Variants in ELP6 observed in about 807,000 individuals in gnomAD.
ELP6 encodes the protein elongator acetyltransferase complex subunit 6.
In ELP6, 23 loss-of-function variants were observed where a neutral mutation model predicts 28.1. That is an observed-to-expected ratio of 0.82 (90% CI 0.59 to 1.16). The LOEUF is 1.16. ELP6 is among the 50% of genes most tolerant of loss of function. The pLI is 0.00. For missense variants in ELP6, 313 were observed against 334.6 expected, an observed-to-expected ratio of 0.94 and a Z score of 0.50; for synonymous variants, 132 against 135.8, an observed-to-expected ratio of 0.97 and a Z score of 0.19.
At chr3:47,509,934 G>T (rs1000370582) in intron 3 of ELP6, 9 of 319,926 alleles carry the variant, frequency 2.8e-5, no homozygotes, top group South Asian at 6.2e-5. Flanking sequence ...GCTAATTTTT[G>T]TATTTTTAGT....
intron 1 of ELP6, 127 bp downstream of exon 1, chr3:47,513,407 GACT>G: frequency 1.4e-6 from 2 of 1,473,056 alleles, no homozygotes; most frequent in Non-Finnish European, 1.8e-6. Context: ...ATCCTCTGCG[GACT>G]ACAACTCCCA....
In ELP6 at chr3:47,498,364, A is replaced by T. The variant is rs1438895660; in HGVS notation, c.594T>A (p.Asn198Lys). The stretch of plus-strand genomic sequence containing the variant: ...TCAGATGGCTCTGATGACTGAGGCC[A>T]TTCAGCAGGATGTCATTCTCCTCAT... ...AEDEENDILL[N>K]GLSHQSHLIL... Residue 198 changes from asparagine (N) to lysine (K), a missense_variant, in exon 6 of 7, where the codon AAT becomes AAA. By Grantham distance (94) the Asn-to-Lys change is moderately conservative. Transcript: ENST00000296149. 8.7e-6 allele frequency: 14 copies of T among 1,613,654 alleles called. No individual in the cohort carries two copies. The highest frequency in any genetic ancestry group is 1.3e-5 in the African/African-American group (1 of 74,930).
chr3:47,505,414 T>C (rs1708801057), intron 3 of ELP6, among the ~76,000 whole-genome samples: 2 of 152,144 alleles, frequency 1.3e-5, no homozygotes, highest in Admixed American at 1.3e-4. Flanking sequence ...AATAACTTTT[T>C]TTGTTTTTGA....
intron 5 of ELP6, 123 bp from the exon 6 acceptor site, chr3:47,498,555 C>A: frequency 1.3e-6 from 2 of 1,524,774 alleles, no homozygotes; most frequent in Non-Finnish European, 1.8e-6. Context: ...CTCCCTGCTG[C>A]TGCTACAGCC....
rs918396581 is a variant in ELP6, at chr3:47,513,512, C to T, written c.54+25G>A. 3.7e-6 allele frequency: 6 copies of T among 1,609,344 alleles called. No individual in the cohort carries two copies. In the Admixed American group the frequency reaches 5.1e-5, roughly 14 times the overall value. On this transcript the variant is annotated intron_variant, in intron 1 of 6. Transcript: ENST00000296149. ...TCCGCTGCCCTGCCAGGTCCCGCCC[C>T]CTTCCGGCCAGCGGGACCTCTTACC...
intron 1 of ELP6, chr3:47,511,688 G>T: frequency 1.6e-6 from 1 of 635,188 alleles, no homozygotes; most frequent in Non-Finnish European, 2.0e-6. Flanking sequence ...GAGGGAGAAG[G>T]GAGGAAGAAG....
intron 4 of ELP6, among the ~76,000 whole-genome samples, chr3:47,503,629 G>A (rs184819717): frequency 4.6e-5 from 7 of 152,178 alleles, no homozygotes; most frequent in Non-Finnish European, 7.4e-5. Context: ...TTGGCCGGGC[G>A]CGGTGGCTCA....
At chr3:47,504,493 C>T (rs1256388015) in intron 3 of ELP6, 45 bp from the exon 4 acceptor site, 8 of 1,547,662 alleles carry the variant, frequency 5.2e-6, no homozygotes, top group Non-Finnish European at 6.1e-6. Flanking sequence ...TGTAGGGGAA[C>T]CCATCAGACT....
At chr3:47,508,492 C>A (rs1708913224) in intron 3 of ELP6, among the ~76,000 whole-genome samples, 1 of 152,162 alleles carries the variant, frequency 6.6e-6, no homozygotes, top group Admixed American at 6.6e-5. Context: ...AAGCCACCAC[C>A]CCTGGCAGCC....
intron 5 of ELP6, chr3:47,499,961 G>T: frequency 7.4e-7 from 1 of 1,350,538 alleles, no homozygotes; most frequent in South Asian, 1.1e-5. Flanking sequence ...GGTGGTGTCG[G>T]CCAAGTTTGA....
intron 6 of ELP6, chr3:47,497,836 G>A (rs2108070693): frequency 2.5e-6 from 1 of 406,050 alleles, no homozygotes. Context: ...GAAGGCTGAG[G>A]CAGAGAATTG....
At chr3:47,510,504 C>T (rs184169165) in intron 2 of ELP6, among the ~76,000 whole-genome samples, 2 of 152,224 alleles carry the variant, frequency 1.3e-5, no homozygotes, top group East Asian at 3.9e-4. Flanking sequence ...GAGATGGTCT[C>T]GCTCTGTTGT....
Position 47,504,311 on chromosome 3 carries a change from G to A in ELP6, c.323+19C>T. Reference sequence around the variant, plus strand: ...ACCTGCCACGTGTTGCTTCCGGGCTGGGCTGTAGGCTGACTGACCTGAGAA... The same window carrying A: ...ACCTGCCACGTGTTGCTTCCGGGCTAGGCTGTAGGCTGACTGACCTGAGAA... On this transcript the variant is annotated intron_variant, in intron 4 of 6. Coordinates refer to ENST00000296149, the MANE Select transcript of ELP6 (RefSeq NM_001031703.3). The A allele has an allele frequency of 3.8e-6, 6 of 1,584,266 alleles. No individual in the cohort carries two copies. Among genetic ancestry groups the A allele is most frequent in the Non-Finnish European group, 5.2e-6 (6 of 1,163,412 alleles).
intron 5 of ELP6, chr3:47,499,936 C>T: frequency 7.4e-7 from 1 of 1,349,662 alleles, no homozygotes; most frequent in Non-Finnish European, 9.8e-7. Context: ...GTCGTGCCTG[C>T]AGCTTCCGAG....
chr3:47,496,482 A>G, intron 6 of ELP6: 1 of 983,440 alleles, frequency 1.0e-6, no homozygotes, highest in Non-Finnish European at 1.2e-6. Context: ...GAAGACCCTT[A>G]AAGTATTTTT....
At chr3:47,502,562 C>T (rs1052874702) in intron 4 of ELP6, 1 of 985,042 alleles carries the variant, frequency 1.0e-6, no homozygotes, top group Non-Finnish European at 1.2e-6. Flanking sequence ...AGGCTGGGCA[C>T]AGTAGCTCAC....
chr3:47,501,398 G>A, intron 5 of ELP6: 1 of 515,728 alleles, frequency 1.9e-6, no homozygotes, highest in Non-Finnish European at 3.5e-6. Context: ...TGACAGACCT[G>A]GGACTGCAGC....
Position 47,510,039 on chromosome 3 carries a change from C to T in ELP6, c.204+145G>A, listed in dbSNP as rs145689240. ...CCTCCCAAAGTGCTGGGATTACAGG[C>T]GTGAGCCACCACGCCCGGCCCAATA... On this transcript the variant is annotated intron_variant, in intron 3 of 6. Coordinates refer to ENST00000296149, the MANE Select transcript of ELP6 (RefSeq NM_001031703.3). 0.014 allele frequency: 9,015 copies of T among 639,170 alleles called. 640 individuals carry two copies. In the African/African-American group the frequency reaches 0.15, roughly 11 times the overall value. 39.6% of individuals were successfully genotyped at this position (639,170 alleles called of 1,614,324 possible).
chr3:47,497,406 G>C (rs953157639), intron 6 of ELP6: 48 of 924,582 alleles, frequency 5.2e-5, no homozygotes, highest in Non-Finnish European at 5.8e-5. Flanking sequence ...GCGCGATCTT[G>C]GCTCACTGCA....
Sources: allele counts gnomAD v4.1 joint callset (sites outside exome capture counted in the v4.1 genomes callset), GRCh38; gene constraint gnomAD v4.1.1; transcripts MANE v1.5; gene names NCBI Gene and HGNC (gene_info 2026-07-23, HGNC 2026-07-21).